LIPA: variants seen among roughly 807,000 people sequenced by gnomAD.
LIPA encodes lipase A, lysosomal acid type.
In LIPA, 26 loss-of-function variants were observed where a neutral mutation model predicts 40.6. The ratio of observed to expected loss-of-function variants is 0.64; its 90% confidence interval spans 0.47 to 0.89. The LOEUF (loss-of-function observed/expected upper bound fraction) is 0.89. Ranked by LOEUF, LIPA falls within the 40% of genes least tolerant of loss-of-function variation. LIPA has a pLI of 0.00. For synonymous variants in LIPA, 188 were observed against 168.4 expected (o/e 1.12, Z -0.90); for missense variants, 455 against 479.6 (o/e 0.95, Z 0.48).
intron 2 of LIPA, among the ~76,000 whole-genome samples, chr10:89,372,921 A>G (rs1025776822): frequency 6.6e-6 from 1 of 152,234 alleles, no homozygotes; most frequent in Non-Finnish European, 1.5e-5. Context: ...TATAGGATCT[A>G]TGAAATATCT....
At chr10:89,409,581 C>G (rs1841454891) in intron 2 of LIPA, among the ~76,000 whole-genome samples, 1 of 152,182 alleles carries the variant, frequency 6.6e-6, no homozygotes, top group Non-Finnish European at 1.5e-5. Flanking sequence ...CAAGCACCAG[C>G]TCATGTCATC....
chr10:89,253,811 C>G (rs1208946006), upstream of LIPA, among the ~76,000 whole-genome samples: 2 of 152,226 alleles, frequency 1.3e-5, no homozygotes, highest in African/African-American at 4.8e-5. Context: ...ACACCTGTTT[C>G]AAATGGGAGA....
At chr10:89,302,580 T>G (rs1440281414) in intron 1 of LIPA, among the ~76,000 whole-genome samples, 1 of 152,196 alleles carries the variant, frequency 6.6e-6, no homozygotes, top group Non-Finnish European at 1.5e-5. Context: ...ATACACAGAA[T>G]AGCAAACCCC....
At chr10:89,268,842 T>C (rs1017306783) in intron 1 of LIPA, among the ~76,000 whole-genome samples, 11 of 151,714 alleles carry the variant, frequency 7.3e-5, no homozygotes, top group African/African-American at 2.4e-4. Context: ...AAAAGTTAGC[T>C]GGGCGCGGTG....
intron 1 of LIPA, among the ~76,000 whole-genome samples, chr10:89,333,989 A>T (rs535091713): frequency 2.0e-5 from 3 of 152,344 alleles, no homozygotes; most frequent in African/African-American, 7.2e-5. Flanking sequence ...GCCTGTTCTG[A>T]CCAACCAACT....
At chr10:89,403,308 G>C (rs773338960) in intron 2 of LIPA, 14 of 1,613,812 alleles carry the variant, frequency 8.7e-6, no homozygotes, top group Non-Finnish European at 1.1e-5. Flanking sequence ...GGCTCATCTA[G>C]ACCTGGCAAG....
At chr10:89,375,724 T>A (rs907528715) in intron 2 of LIPA, among the ~76,000 whole-genome samples, 7 of 152,196 alleles carry the variant, frequency 4.6e-5, no homozygotes, top group African/African-American at 1.7e-4. Flanking sequence ...CCTGAATGGT[T>A]CTAACCTCCA....
chr10:89,388,882 G>A (rs919320626), intron 2 of LIPA, among the ~76,000 whole-genome samples: 3 of 152,146 alleles, frequency 2.0e-5, no homozygotes, highest in Non-Finnish European at 4.4e-5. Flanking sequence ...GGTGGGCTGA[G>A]TGATATCATG....
At chr10:89,283,694 G>A (rs1843327169) in intron 1 of LIPA, 1 of 152,214 alleles carries the variant, frequency 6.6e-6, no homozygotes, top group Non-Finnish European at 1.5e-5. Context: ...GGAAACCAGT[G>A]TAGTTATGTT....
intron 1 of LIPA, among the ~76,000 whole-genome samples, chr10:89,292,630 C>T (rs1266280174): frequency 6.6e-6 from 1 of 152,192 alleles, no homozygotes; most frequent in African/African-American, 2.4e-5. Flanking sequence ...TCAATCTCCA[C>T]AAAACCCTAT....
rs1564778265 is a variant in LIPA, at chr10:89,295,000, A to AGAAAGGAAAGGAAAGGAAAGGAAAG, written c.-1-47352_-1-47351insCTTTCCTTTCCTTTCCTTTCCTTTC. On this transcript the variant is annotated intron_variant, in intron 1 of 5. Transcript: ENST00000282673. ...CTGAAAAGAAAAAAGAAAAAAAGGA[A>AGAAAGGAAAGGAAAGGAAAGGAAAG]GAAAGGAAAGGAAATGAAATGAAAG... is the stretch of plus-strand genomic sequence containing the variant. 3.0e-5 allele frequency among the ~76,000 whole-genome samples: 3 copies of AGAAAGGAAAGGAAAGGAAAGGAAAG among 101,556 alleles called. No homozygotes were observed. In the South Asian group the frequency reaches 1.1e-3, roughly 39 times the overall value. The allele number at this position is 101,556 out of a possible 152,430, so 66.6% of individuals were successfully genotyped here. A position where few individuals can be genotyped will look rare whatever the true frequency, so the allele number is the denominator to read the frequency against.
At chr10:89,309,892 T>C (rs1298121176) in intron 1 of LIPA, among the ~76,000 whole-genome samples, 1 of 152,184 alleles carries the variant, frequency 6.6e-6, no homozygotes. Context: ...GGGCAGGACA[T>C]TTGACTCCCT....
chr10:89,295,525 G>C (rs1428770735), intron 1 of LIPA, among the ~76,000 whole-genome samples: 1 of 152,150 alleles, frequency 6.6e-6, no homozygotes, highest in Non-Finnish European at 1.5e-5. Context: ...TCCCACACTG[G>C]AATTTCTGAT....
At chr10:89,293,714 G>GAGAGAGAGAT (rs869218412) in intron 1 of LIPA, 5 of 149,356 alleles carry the variant, frequency 3.3e-5, no homozygotes, top group Non-Finnish European at 5.9e-5. Flanking sequence ...GAGAGAGAGA[G>GAGAGAGAGAT]ATATCTGAGG....
chr10:89,269,718 T>G (rs986337480), intron 1 of LIPA, among the ~76,000 whole-genome samples: 1 of 152,266 alleles, frequency 6.6e-6, no homozygotes, highest in Non-Finnish European at 1.5e-5. Context: ...ATTAATTTCC[T>G]TACCAAAGGT....
At position 89,322,995 on chromosome 10, in the gene LIPA, T is replaced by C. The variant is rs148072039; in HGVS notation, c.-2+19616A>G. On this transcript the variant is annotated intron_variant, in intron 1 of 5. Transcript: ENST00000282673. The stretch of plus-strand genomic sequence containing the variant: ...CAGCCTCCTGTTGTCCTGGGAAACA[T>C]TCAGGCAAGGTAGGCAACCCCACCT... Among the ~76,000 whole-genome samples the C allele has an allele frequency of 2.6e-3, 400 of 152,262 alleles. 3 individuals carry two copies. Among genetic ancestry groups the C allele is most frequent in the African/African-American group, 9.1e-3 (377 of 41,558 alleles).
chr10:89,346,654 T>C (rs1277275245), upstream of LIPA, among the ~76,000 whole-genome samples: 1 of 152,196 alleles, frequency 6.6e-6, no homozygotes, highest in Non-Finnish European at 1.5e-5. Context: ...TTGACTCCAG[T>C]CTGACGCAAT....
At chr10:89,355,179 C>T (rs1460072647) in intron 2 of LIPA, among the ~76,000 whole-genome samples, 1 of 152,196 alleles carries the variant, frequency 6.6e-6, no homozygotes, top group Non-Finnish European at 1.5e-5. Flanking sequence ...TTTATGTCTG[C>T]CCCCTAGTAG....
chr10:89,330,595 A>C (rs773951038), intron 1 of LIPA, among the ~76,000 whole-genome samples: 1 of 152,234 alleles, frequency 6.6e-6, no homozygotes, highest in Non-Finnish European at 1.5e-5. Context: ...CCCAGGGCAT[A>C]ATTTTCTATC....
Sources: allele counts gnomAD v4.1 joint callset (sites outside exome capture counted in the v4.1 genomes callset), GRCh38; gene constraint gnomAD v4.1.1; transcripts MANE v1.5; gene names NCBI Gene and HGNC (gene_info 2026-07-23, HGNC 2026-07-21).